Variants in SFSWAP observed in about 807,000 individuals in gnomAD.
SFSWAP encodes splicing factor, suppressor of white-apricot homolog.
In SFSWAP, 17 loss-of-function variants were observed where a neutral mutation model predicts 100.7. The ratio of observed to expected loss-of-function variants is 0.17; its 90% CI spans 0.12 to 0.25. The LOEUF (loss-of-function observed/expected upper bound fraction) is 0.25. SFSWAP is among the 10% of genes least tolerant of loss of function. The probability of loss-of-function intolerance (pLI) is 1.00; values close to 1 mark genes in which losing one functional copy is unlikely to be tolerated. For synonymous variants in SFSWAP, 504 were observed against 510.1 expected, an observed-to-expected ratio of 0.99 and a Z score of 0.16; for missense variants, 1,005 against 1,262.6, an observed-to-expected ratio of 0.80 and a Z score of 3.09.
At chr12:131,740,385 C>T (rs1244824366) in intron 7 of SFSWAP, among the ~76,000 whole-genome samples, 1 of 152,186 alleles carries the variant, frequency 6.6e-6, no homozygotes, top group African/African-American at 2.4e-5. Context: ...GAGGTGGATG[C>T]TCTTTCTGAC....
intron 11 of SFSWAP, among the ~76,000 whole-genome samples, chr12:131,757,739 G>A (rs112593660): frequency 0.028 from 4,326 of 152,258 alleles, 89 homozygotes; most frequent in Middle Eastern, 0.092. Flanking sequence ...TGGATGAACC[G>A]CTAACTAGGC....
intron 7 of SFSWAP, among the ~76,000 whole-genome samples, chr12:131,751,714 T>C (rs1184519527): frequency 6.6e-5 from 10 of 152,256 alleles, no homozygotes; most frequent in Non-Finnish European, 2.9e-5. Context: ...GTCCAGCACA[T>C]ACTCTGCTCA....
At chr12:131,756,325 C>A in intron 10 of SFSWAP, 148 bp from the exon 11 acceptor site, 1 of 661,482 alleles carries the variant, frequency 1.5e-6, no homozygotes, top group Non-Finnish European at 2.6e-6. Flanking sequence ...AACAGCAGAT[C>A]TGGATTTGGA....
intron 1 of SFSWAP, chr12:131,712,326 A>AG (rs1565997866): frequency 6.6e-6 from 1 of 152,202 alleles, no homozygotes; most frequent in Admixed American, 6.5e-5. Context: ...TACATGATGT[A>AG]GGTGGTTTGC....
intron 7 of SFSWAP, 143 bp downstream of exon 7, chr12:131,728,571 G>A (rs990964342): frequency 1.2e-6 from 1 of 867,052 alleles, no homozygotes. Flanking sequence ...ATGGTCCCAA[G>A]GGAGAGTGCC....
At chr12:131,769,804 T>C (rs1002211765) in intron 13 of SFSWAP, among the ~76,000 whole-genome samples, 2 of 152,162 alleles carry the variant, frequency 1.3e-5, no homozygotes, top group African/African-American at 4.8e-5. Flanking sequence ...TTTTTTTGTA[T>C]TTTTAGTAGA....
At chr12:131,719,913 G>T (rs1013583850) in intron 4 of SFSWAP, among the ~76,000 whole-genome samples, 2 of 152,180 alleles carry the variant, frequency 1.3e-5, no homozygotes, top group Admixed American at 1.3e-4. Flanking sequence ...CAGTAACGTT[G>T]CTTTGTTCTG....
intron 15 of SFSWAP, among the ~76,000 whole-genome samples, chr12:131,795,403 CT>C (rs1467309626): frequency 6.6e-6 from 1 of 152,254 alleles, no homozygotes; most frequent in Non-Finnish European, 1.5e-5. Flanking sequence ...CAGTCCCCCC[CT>C]GCATATCGGG....
intron 14 of SFSWAP, among the ~76,000 whole-genome samples, chr12:131,779,687 G>C (rs1272166898): frequency 1.3e-5 from 2 of 152,184 alleles, no homozygotes; most frequent in African/African-American, 4.8e-5. Context: ...CACATGCCTT[G>C]GGAGCTTTAC....
chr12:131,792,719 G>A (rs1885357474), intron 15 of SFSWAP, among the ~76,000 whole-genome samples: 1 of 152,250 alleles, frequency 6.6e-6, no homozygotes, highest in Admixed American at 6.5e-5. Context: ...CAAGAACATA[G>A]ATGCAAAAAT....
Position 131,730,095 on chromosome 12 carries a change from T to G in SFSWAP, c.1081+1667T>G, listed in dbSNP as rs1313383886. Among the ~76,000 whole-genome samples, 2 of 152,218 alleles carry G rather than the reference T, an allele frequency of 1.3e-5. No homozygotes were observed. The highest frequency in any genetic ancestry group is 2.9e-5 in the Non-Finnish European group (2 of 68,042). ...TGCTACAGAGGTGCGTGTTCAATAGTGTAGGCAGCCAGCTGTCTGAGGTGC... is the reference window on the plus strand; with the variant it reads ...TGCTACAGAGGTGCGTGTTCAATAGGGTAGGCAGCCAGCTGTCTGAGGTGC... On this transcript the variant is annotated intron_variant, in intron 7 of 17. Transcript: ENST00000261674. This position sits in a 1 kb window ranked among gnomAD's most constrained non-coding sequence, Gnocchi z 4.0.
At chr12:131,742,999 A>G (rs1170649456) in intron 7 of SFSWAP, among the ~76,000 whole-genome samples, 1 of 152,220 alleles carries the variant, frequency 6.6e-6, no homozygotes, top group Non-Finnish European at 1.5e-5. Context: ...TTTTGAGACT[A>G]TCAGATCTCA....
At chr12:131,743,642 G>C (rs988505995) in intron 7 of SFSWAP, among the ~76,000 whole-genome samples, 4 of 152,238 alleles carry the variant, frequency 2.6e-5, no homozygotes, top group African/African-American at 7.2e-5. Context: ...GGAGCACGGT[G>C]CAAGCTGTTG....
intron 7 of SFSWAP, among the ~76,000 whole-genome samples, chr12:131,741,570 G>A (rs951299043): frequency 4.0e-5 from 6 of 151,110 alleles, no homozygotes; most frequent in Admixed American, 1.3e-4. Context: ...GGAGGGCATC[G>A]AGGAGTTCCA....
At chr12:131,752,807 C>T (rs1304709874) in intron 7 of SFSWAP, among the ~76,000 whole-genome samples, 2 of 152,194 alleles carry the variant, frequency 1.3e-5, no homozygotes, top group Admixed American at 1.3e-4. Flanking sequence ...GGAGACTGTT[C>T]CCAACCTGCA....
At chr12:131,726,496 C>T (rs1446826921) in intron 5 of SFSWAP, among the ~76,000 whole-genome samples, 1 of 152,264 alleles carries the variant, frequency 6.6e-6, no homozygotes, top group African/African-American at 2.4e-5. Flanking sequence ...AGGCGTGAGC[C>T]ACTGTGCCCG....
chr12:131,719,503 C>T lies in SFSWAP; in HGVS notation c.570C>T (p.Ala190=). 1.9e-6 allele frequency: 3 copies of T among 1,614,016 alleles called. No homozygotes were observed. The highest frequency in any genetic ancestry group is 2.2e-5 in the South Asian group (2 of 91,066). ...AGGAAAATGAAGAGCCCTTCGTTGC[C>T]CCCTTAGGATTGAGCGTCCCGTCTG... ...NLEENEEPFV[A]PLGLSVPSDV... The change falls in exon 4 of 18, where the codon GCC becomes GCT. Residue 190 remains alanine (A), a synonymous_variant. Transcript: ENST00000261674.
chr12:131,756,595 G>A lies in SFSWAP; in HGVS notation c.1671G>A (p.Lys557=), dbSNP rs775335085. 1 of 1,612,828 alleles carries A rather than the reference G, an allele frequency of 6.2e-7. No homozygotes were observed. The highest frequency in any genetic ancestry group is 1.7e-5 in the Admixed American group (1 of 59,638). Residue 557 remains lysine (K), a synonymous_variant, in exon 11 of 18, where the codon AAG becomes AAA. Coordinates refer to ENST00000261674, the MANE Select transcript of SFSWAP (RefSeq NM_004592.4). The part of the protein sequence containing the change: ...EVGARAGSGG[K]KEASSSKTVP... ...GAGCACGGGCAGGCTCAGGCGGGAA[G>A]AAGGAGGCATCGTCCAGTAAGACCG...
intron 12 of SFSWAP, 24 bp downstream of exon 12, chr12:131,764,710 C>A: frequency 6.6e-7 from 1 of 1,519,566 alleles, no homozygotes; most frequent in Non-Finnish European, 9.1e-7. Context: ...TTTTAAACTT[C>A]TTGAAAGAAA....
Sources: allele counts gnomAD v4.1 joint callset (sites outside exome capture counted in the v4.1 genomes callset), GRCh38; gene constraint gnomAD v4.1.1; non-coding constraint Gnocchi (gnomAD v3.1); transcripts MANE v1.5; gene names NCBI Gene and HGNC (gene_info 2026-07-23, HGNC 2026-07-21).